The following GPM6B variants were observed in gnomAD, a reference collection of about 807,000 sequenced individuals.
GPM6B encodes the protein neuronal membrane glycoprotein M6-b.
A neutral mutation model predicts 27.2 loss-of-function variants in GPM6B; 4 were observed. The observed-to-expected ratio is 0.15, with a 90% CI of 0.07 to 0.34. The LOEUF is 0.34. Among genes scored for constraint, GPM6B ranks in the 10% least tolerant of loss-of-function variants. GPM6B has a pLI of 1.00. For missense variants in GPM6B, 183 were observed against 261.9 expected (o/e 0.70, Z 2.08); for synonymous variants, 124 against 103.1 (o/e 1.20, Z -1.23).
At chrX:13,862,252 C>T (rs765120770) in intron 1 of GPM6B, among the ~76,000 whole-genome samples, 106 of 111,756 alleles carry the variant, frequency 9.5e-4, no homozygotes, top group Non-Finnish European at 1.8e-3. Flanking sequence ...AGCTGTCACC[C>T]TTGCTTCCTG....
At chrX:13,825,190 A>G (rs1314706542) in intron 1 of GPM6B, among the ~76,000 whole-genome samples, 1 of 111,327 alleles carries the variant, frequency 9.0e-6, no homozygotes, top group Non-Finnish European at 1.9e-5. Context: ...GGACTTCAAC[A>G]TATTTTTTGA....
intron 1 of GPM6B, among the ~76,000 whole-genome samples, chrX:13,918,793 C>T (rs1471360048): frequency 9.0e-6 from 1 of 110,655 alleles, no homozygotes; most frequent in African/African-American, 3.3e-5. Flanking sequence ...CAGGGAGGTG[C>T]CAAACACTTT....
At chrX:13,881,180 G>T (rs1333124515) in intron 1 of GPM6B, among the ~76,000 whole-genome samples, 3 of 112,131 alleles carry the variant, frequency 2.7e-5, no homozygotes, top group Non-Finnish European at 5.6e-5. Context: ...ACTGAAACAG[G>T]CAACTGAAAC....
At chrX:13,878,638 C>A (rs144845703) in intron 1 of GPM6B, among the ~76,000 whole-genome samples, 2,713 of 111,524 alleles carry the variant, frequency 0.024, 92 homozygotes, top group East Asian at 0.21. Context: ...ATACCCCCCA[C>A]CCCAAGATGT....
At chrX:13,802,953 G>A (rs1166528677) in intron 2 of GPM6B, among the ~76,000 whole-genome samples, 1 of 111,799 alleles carries the variant, frequency 8.9e-6, no homozygotes, top group Non-Finnish European at 1.9e-5. Context: ...CCCAACTATG[G>A]CCAGAGGTGG....
intron 1 of GPM6B, among the ~76,000 whole-genome samples, chrX:13,840,814 A>ATGTGTG (rs112311117): frequency 1.8e-5 from 2 of 110,751 alleles, no homozygotes; most frequent in Non-Finnish European, 3.8e-5. Context: ...AGACACACAA[A>ATGTGTG]TGTGTGTGTG....
At chrX:13,773,830 A>G (rs1349579368) in intron 7 of GPM6B, 5 of 237,853 alleles carry the variant, frequency 2.1e-5, no homozygotes, top group Non-Finnish European at 3.0e-5. Flanking sequence ...GCAGCTTGAG[A>G]ACTAGCTATG....
At chrX:13,860,881 T>TG in intron 1 of GPM6B, among the ~76,000 whole-genome samples, 1 of 109,091 alleles carries the variant, frequency 9.2e-6, no homozygotes, top group East Asian at 2.9e-4. Flanking sequence ...GAACATGCAA[T>TG]GTTTGGTTTT....
At chrX:13,873,908 T>C (rs1461808372) in intron 1 of GPM6B, among the ~76,000 whole-genome samples, 1 of 112,242 alleles carries the variant, frequency 8.9e-6, no homozygotes, top group Non-Finnish European at 1.9e-5. Context: ...TTCATTAAGC[T>C]GTACTTTGTC....
At chrX:13,872,834 A>G (rs1416289105) in intron 1 of GPM6B, among the ~76,000 whole-genome samples, 1 of 111,013 alleles carries the variant, frequency 9.0e-6, no homozygotes, top group Non-Finnish European at 1.9e-5. Context: ...ATGATCTTGG[A>G]GGAGGTGTGG....
chrX:13,782,199 C>T (rs1354824555), intron 4 of GPM6B, among the ~76,000 whole-genome samples: 2 of 111,982 alleles, frequency 1.8e-5, no homozygotes, highest in East Asian at 5.6e-4. Flanking sequence ...TGGTCAAGCT[C>T]CTCTCCAGTC....
chrX:13,841,369 G>A lies in GPM6B; in HGVS notation c.-197-55561C>T, dbSNP rs147201371. Among the ~76,000 whole-genome samples the A allele has an allele frequency of 3.4e-3, 384 of 111,484 alleles. 1 individual carries two copies. Among genetic ancestry groups the A allele is most frequent in the Non-Finnish European group, 5.5e-3 (291 of 53,121 alleles). On this transcript the variant is annotated intron_variant, in intron 1 of 6. Transcript: ENST00000398361. ...TGCCATTTGCCAGCTAGGTCGCTAT[G>A]GGAAGTTATCTCACTTCCATCCCTC...
At chrX:13,785,591 G>C (rs1479419174) in intron 3 of GPM6B, 31 bp downstream of exon 3, 5 of 1,187,889 alleles carry the variant, frequency 4.2e-6, no homozygotes, top group Non-Finnish European at 4.6e-6. Context: ...CCAGGCCTTA[G>C]ATGCATTTTT....
rs184103293 is a variant in GPM6B at position 13,869,648 on chromosome X, C to T, written c.-198+68679G>A. The stretch of plus-strand genomic sequence containing the variant: ...CTTCCAGAATGCCCTTGTTCAGTGA[C>T]ATTTCAATTATCTTCCATTCATTTT... On this transcript the variant is annotated intron_variant, in intron 1 of 6. Coordinates refer to the GPM6B transcript ENST00000398361. Among the ~76,000 whole-genome samples the T allele has an allele frequency of 9.8e-5, 11 of 111,722 alleles. No homozygotes were observed. In the East Asian group the frequency reaches 3.1e-3, roughly 31 times the overall value.
chrX:13,847,497 C>T (rs1234232309), intron 1 of GPM6B, among the ~76,000 whole-genome samples: 1 of 111,804 alleles, frequency 8.9e-6, no homozygotes, highest in Non-Finnish European at 1.9e-5. Flanking sequence ...TATTGAGCCT[C>T]CTCCTCAGCA....
chrX:13,892,869 C>A (rs963782183), intron 1 of GPM6B, among the ~76,000 whole-genome samples: 5 of 111,685 alleles, frequency 4.5e-5, no homozygotes, highest in Non-Finnish European at 9.4e-5. Flanking sequence ...TGGGCAAGAT[C>A]CCATGTCTCT....
intron 1 of GPM6B, among the ~76,000 whole-genome samples, chrX:13,937,902 T>C (rs920986594): frequency 5.4e-5 from 6 of 111,205 alleles, no homozygotes; most frequent in African/African-American, 2.0e-4. Flanking sequence ...ATTTTAATAG[T>C]TGGAACAAGG....
intron 1 of GPM6B, among the ~76,000 whole-genome samples, chrX:13,845,480 T>G (rs746454496): frequency 1.8e-5 from 2 of 112,260 alleles, no homozygotes; most frequent in Non-Finnish European, 3.8e-5. Flanking sequence ...ACAGAGATGA[T>G]AGATTTTATT....
At chrX:13,928,410 T>C (rs1921314545) in intron 1 of GPM6B, among the ~76,000 whole-genome samples, 1 of 112,575 alleles carries the variant, frequency 8.9e-6, no homozygotes, top group South Asian at 3.7e-4. Context: ...TGACATCATA[T>C]AATAGAGCTC....
Sources: allele counts gnomAD v4.1 joint callset (sites outside exome capture counted in the v4.1 genomes callset), GRCh38; gene constraint gnomAD v4.1.1; transcripts MANE v1.5; gene names NCBI Gene and HGNC (gene_info 2026-07-23, HGNC 2026-07-21).